BCO1: variants seen among roughly 807,000 people sequenced by gnomAD.
BCO1 encodes the protein beta-carotene oxygenase 1, also known as beta,beta-carotene 15,15'-dioxygenase.
A neutral mutation model predicts 56.3 loss-of-function variants in BCO1; 54 were observed. That is an observed-to-expected ratio of 0.96 (90% confidence interval 0.77 to 1.20). The LOEUF is 1.20. Ranked by LOEUF, BCO1 falls within the 50% of genes most tolerant of loss-of-function variation. BCO1 has a pLI of 0.00. For missense variants in BCO1, 801 were observed against 690.9 expected, an observed-to-expected ratio of 1.16 and a Z score of -1.79; for synonymous variants, 318 against 266.1, an observed-to-expected ratio of 1.20 and a Z score of -1.90.
chr16:81,264,945 AGAG>A (rs1567454126), intron 5 of BCO1, among the ~76,000 whole-genome samples, 158 bp downstream of exon 5: 1 of 152,244 alleles, frequency 6.6e-6, no homozygotes, highest in African/African-American at 2.4e-5. Context: ...TTAGAAGAGA[AGAG>A]GAGATGCTGG....
intron 1 of BCO1, among the ~76,000 whole-genome samples, chr16:81,244,823 G>A (rs1017711758): frequency 1.2e-4 from 18 of 150,746 alleles, no homozygotes; most frequent in African/African-American, 4.2e-4. Context: ...AGGCTCAAGC[G>A]ATCCTCCCAC....
intron 9 of BCO1, among the ~76,000 whole-genome samples, chr16:81,285,936 G>C (rs181103987): frequency 1.3e-5 from 2 of 152,122 alleles, no homozygotes; most frequent in Admixed American, 6.5e-5. Context: ...AGTCAGCAGG[G>C]AGATTCCCAA....
In BCO1 at chr16:81,267,671, G is replaced by A. The variant is rs116659059; in HGVS notation, c.620-237G>A. Among the ~76,000 whole-genome samples, 517 of 152,284 alleles carry A rather than the reference G, an allele frequency of 3.4e-3. 6 individuals are homozygous for A. The highest frequency in any genetic ancestry group is 0.012 in the African/African-American group (497 of 41,560). ...GGCTATAGGTGAAGACCCCTTACCT[G>A]GAGGGCTCCCTCTTGGTTCAGTGGT... On this transcript the variant is annotated intron_variant, in intron 5 of 10. Coordinates refer to ENST00000258168, the MANE Select transcript of BCO1 (RefSeq NM_017429.3).
chr16:81,250,223 G>A (rs1182212159), intron 2 of BCO1, among the ~76,000 whole-genome samples: 1 of 152,134 alleles, frequency 6.6e-6, no homozygotes, highest in African/African-American at 2.4e-5. Flanking sequence ...AGTTGGTAAA[G>A]CTCAGACATA....
At chr16:81,287,992 A>T (rs1312255637) in intron 10 of BCO1, among the ~76,000 whole-genome samples, 3 of 152,112 alleles carry the variant, frequency 2.0e-5, no homozygotes, top group African/African-American at 7.2e-5. Flanking sequence ...AGTTCATACC[A>T]CACGGCACAA....
chr16:81,267,971 G>A lies in BCO1; in HGVS notation c.683G>A (p.Arg228His), dbSNP rs747676129. 2.4e-5 allele frequency: 39 copies of A among 1,613,712 alleles called. No homozygotes were observed. The highest frequency in any genetic ancestry group is 2.7e-5 in the Non-Finnish European group (32 of 1,180,004). ...HTEVFCSIPS[R>H]SLLSPSYYHS... ...GAGGTGTTCTGCTCCATCCCATCCCGCTCCCTGCTCTCCCCAAGCTACTAC... is the reference window on the plus strand; with the variant it reads ...GAGGTGTTCTGCTCCATCCCATCCCACTCCCTGCTCTCCCCAAGCTACTAC... The change falls in exon 6 of 11, where the codon CGC becomes CAC. Residue 228 changes from arginine (R) to histidine (H), a missense_variant. Coordinates refer to ENST00000258168, the MANE Select transcript of BCO1 (RefSeq NM_017429.3).
rs116129022 is a variant in BCO1 at position 81,241,346 on chromosome 16, C to A, written c.64+2374C>A. On this transcript the variant is annotated intron_variant, in intron 1 of 10. Transcript: ENST00000258168. ...AACAAAAAGGCACCTATGATACCTA[C>A]CTTTTCGTGCCCTGGAATATTTTGT... Among the ~76,000 whole-genome samples, 305 of 152,136 alleles carry A rather than the reference C, an allele frequency of 2.0e-3. 1 individual carries two copies. The highest frequency in any genetic ancestry group is 7.0e-3 in the African/African-American group (289 of 41,532).
At chr16:81,278,250 C>T (rs954914193) in intron 7 of BCO1, among the ~76,000 whole-genome samples, 1 of 152,084 alleles carries the variant, frequency 6.6e-6, no homozygotes, top group African/African-American at 2.4e-5. Flanking sequence ...CCATGTTAGC[C>T]AGGCTGGTCT....
At position 81,285,587 on chromosome 16, in the gene BCO1, C is replaced by A. The variant is rs920963812; in HGVS notation, c.1255C>A (p.Arg419=). 1 of 1,613,818 alleles carries A rather than the reference C, an allele frequency of 6.2e-7. No homozygotes were observed. ...VNYAHNGKQY[R]YVFATGVQWS... is the part of the protein sequence containing the mutation. The stretch of plus-strand genomic sequence containing the variant: ...TTATGCTCACAATGGAAAGCAATAC[C>A]GATATGTCTTTGCTACAGGAGTTCA... Residue 419 remains arginine, a synonymous_variant, in exon 9 of 11, where the codon CGA becomes AGA. Coordinates refer to ENST00000258168, the MANE Select transcript of BCO1 (RefSeq NM_017429.3).
intron 1 of BCO1, among the ~76,000 whole-genome samples, chr16:81,242,325 C>G (rs1467529162): frequency 6.6e-6 from 1 of 151,810 alleles, no homozygotes; most frequent in Non-Finnish European, 1.5e-5. Context: ...CTCAGCCTCC[C>G]CAGTAGCTGG....
intron 2 of BCO1, among the ~76,000 whole-genome samples, chr16:81,250,580 T>TC (rs1184184355): frequency 7.4e-6 from 1 of 135,380 alleles, no homozygotes; most frequent in Non-Finnish European, 1.5e-5. Context: ...CAATAAAGCT[T>TC]TTTTTTTTTT....
At chr16:81,244,623 T>C (rs6564861) in intron 1 of BCO1, among the ~76,000 whole-genome samples, 58,718 of 151,714 alleles carry the variant, frequency 0.39, 11,969 homozygotes, top group African/African-American at 0.52. Context: ...TTGCCTCCTC[T>C]AGGAAGCTGA....
chr16:81,254,607 A>C lies in BCO1; in HGVS notation c.194-5069A>C, dbSNP rs116990741. ...TGTTACTATTATTGTCATTATGTCCATCCAAGTGCACAGGTGGGAGTCATT... is the reference window on the plus strand; with the variant it reads ...TGTTACTATTATTGTCATTATGTCCCTCCAAGTGCACAGGTGGGAGTCATT... On this transcript the variant is annotated intron_variant, in intron 2 of 10. Transcript: ENST00000258168. Among the ~76,000 whole-genome samples, 1,209 of 152,118 alleles carry C rather than the reference A, an allele frequency of 7.9e-3. 7 individuals carry two copies. Among genetic ancestry groups the C allele is most frequent in the Non-Finnish European group, 0.013 (866 of 67,992 alleles).
chr16:81,239,475 G>A (rs761208264), intron 1 of BCO1, among the ~76,000 whole-genome samples: 3 of 152,114 alleles, frequency 2.0e-5, no homozygotes, highest in Admixed American at 6.6e-5. Flanking sequence ...GTTTGCAAAG[G>A]GAGGAGAGTC....
chr16:81,245,452 C>T, intron 1 of BCO1, 23 bp from the exon 2 acceptor site: 1 of 1,614,190 alleles, frequency 6.2e-7, no homozygotes, highest in Non-Finnish European at 8.5e-7. Context: ...AAACGGGAAA[C>T]TAAACATTCT....
chr16:81,241,579 T>G (rs1297239684), intron 1 of BCO1, among the ~76,000 whole-genome samples: 1 of 152,144 alleles, frequency 6.6e-6, no homozygotes, highest in Non-Finnish European at 1.5e-5. Flanking sequence ...GGTCAGACAC[T>G]TGGGGGGTGG....
intron 1 of BCO1, among the ~76,000 whole-genome samples, chr16:81,243,557 C>A (rs985117706): frequency 6.6e-6 from 1 of 152,152 alleles, no homozygotes; most frequent in Non-Finnish European, 1.5e-5. Flanking sequence ...CAACCTCCCC[C>A]TTCCGGGTTT....
At chr16:81,286,446 G>T (rs143353523) in intron 9 of BCO1, among the ~76,000 whole-genome samples, 21 of 152,216 alleles carry the variant, frequency 1.4e-4, no homozygotes, top group South Asian at 2.1e-4. Context: ...GAGATTCAGG[G>T]AATTGCACCC....
chr16:81,259,687 T>C lies in BCO1; in HGVS notation c.205T>C (p.Tyr69His). The stretch of plus-strand genomic sequence containing the variant: ...TTCTTCTCTTGCAGGTGAAGTCTAT[T>C]ACAGGAGCAAATACCTGAGAAGCGA... ...SFTIRDGEVY[Y>H]RSKYLRSDTY... The change falls in exon 3 of 11, where the codon TAC becomes CAC. Residue 69 changes from tyrosine to histidine, a missense_variant. Physicochemically the swap from Tyr to His is moderately conservative, Grantham distance 83 (BLOSUM62 2). Transcript: ENST00000258168. The C allele has an allele frequency of 6.2e-7, 1 of 1,614,210 alleles. No homozygotes were observed. Among genetic ancestry groups the C allele is most frequent in the Non-Finnish European group, 8.5e-7 (1 of 1,180,036 alleles).
Sources: allele counts gnomAD v4.1 joint callset (sites outside exome capture counted in the v4.1 genomes callset), GRCh38; gene constraint gnomAD v4.1.1; transcripts MANE v1.5; gene names NCBI Gene and HGNC (gene_info 2026-07-23, HGNC 2026-07-21).